The following SPIDR variants were observed in gnomAD, a reference collection of about 807,000 sequenced individuals.
The protein encoded by SPIDR is DNA repair-scaffolding protein.
A neutral mutation model predicts 104.6 loss-of-function variants in SPIDR; 93 were observed. The observed-to-expected ratio is 0.89, with a 90% CI of 0.75 to 1.06. The LOEUF (loss-of-function observed/expected upper bound fraction) is 1.06. Among genes scored for constraint, SPIDR ranks in the 50% least tolerant of loss-of-function variants. The pLI, the probability that SPIDR is intolerant of heterozygous loss-of-function variation, is 0.00. For missense variants in SPIDR, 1,154 were observed against 1,111.2 expected (o/e 1.04, Z -0.55); for synonymous variants, 431 against 416.9 (o/e 1.03, Z -0.41).
intron 7 of SPIDR, among the ~76,000 whole-genome samples, chr8:47,439,049 T>C (rs1190149686): frequency 8.5e-5 from 13 of 152,202 alleles, no homozygotes; most frequent in African/African-American, 3.1e-4. Context: ...TTGTTCTCAG[T>C]TTATGTATTT....
At chr8:47,433,578 C>T (rs547428790) in intron 7 of SPIDR, among the ~76,000 whole-genome samples, 4 of 152,248 alleles carry the variant, frequency 2.6e-5, no homozygotes, top group South Asian at 2.1e-4. Context: ...ATGCTGGGGC[C>T]GCCAGAATGA....
At position 47,566,131 on chromosome 8, in the gene SPIDR, C is replaced by T. The variant is rs534490618; in HGVS notation, c.1098-29680C>T. ...AAGCGATTCTCCTCCCTCAGCCTCCCAAGTAGCTGGGACTACAGGCATGAG... is the reference window on the plus strand; with the variant it reads ...AAGCGATTCTCCTCCCTCAGCCTCCTAAGTAGCTGGGACTACAGGCATGAG... On this transcript the variant is annotated intron_variant, in intron 8 of 19. Transcript: ENST00000297423. Among the ~76,000 whole-genome samples, 4 of 149,222 alleles carry T rather than the reference C, an allele frequency of 2.7e-5. No homozygotes were observed. The South Asian group carries it at 6.4e-4, about 24-fold the overall frequency.
chr8:47,469,602 A>T (rs1219574622), intron 8 of SPIDR, among the ~76,000 whole-genome samples: 3 of 152,180 alleles, frequency 2.0e-5, no homozygotes, highest in Non-Finnish European at 4.4e-5. Flanking sequence ...CTATTATCCT[A>T]AACAAACTAA....
chr8:47,608,017 G>A (rs2063172324), intron 10 of SPIDR, among the ~76,000 whole-genome samples: 1 of 152,010 alleles, frequency 6.6e-6, no homozygotes, highest in South Asian at 2.1e-4. Context: ...TGTGTTTATT[G>A]TAATTACAGA....
At chr8:47,693,348 T>C (rs2078929570) in intron 11 of SPIDR, among the ~76,000 whole-genome samples, 1 of 152,246 alleles carries the variant, frequency 6.6e-6, no homozygotes, top group African/African-American at 2.4e-5. Context: ...TAAAGAAATG[T>C]ATCAGAAGCC....
chr8:47,413,392 C>G (rs2063796725), intron 7 of SPIDR, among the ~76,000 whole-genome samples: 1 of 152,232 alleles, frequency 6.6e-6, no homozygotes, highest in Non-Finnish European at 1.5e-5. Flanking sequence ...GGGCCAAAGC[C>G]AGGCCTCCTG....
At chr8:47,550,609 C>A (rs978073126) in intron 8 of SPIDR, among the ~76,000 whole-genome samples, 1 of 152,116 alleles carries the variant, frequency 6.6e-6, no homozygotes, top group Admixed American at 6.5e-5. Context: ...GATTTTTGCA[C>A]ATTGATTTTG....
At chr8:47,513,233 A>G (rs927306844) in intron 8 of SPIDR, among the ~76,000 whole-genome samples, 4 of 152,264 alleles carry the variant, frequency 2.6e-5, no homozygotes, top group East Asian at 1.9e-4. Flanking sequence ...TGCTCAAACC[A>G]GATATTCAAA....
In SPIDR at chr8:47,639,564, A is replaced by AAGT. The variant is rs532640722; in HGVS notation, c.1545-34237_1545-34236insAGT. The stretch of plus-strand genomic sequence containing the variant: ...TTACCCTATAACTTCACTTCCACGT[A>AAGT]TCAAATATTAGATGTGGAATCTTCA... On this transcript the variant is annotated intron_variant, in intron 10 of 19. Transcript: ENST00000297423. Among the ~76,000 whole-genome samples the AAGT allele has an allele frequency of 3.0e-3, 452 of 152,300 alleles. 3 individuals carry two copies. Among genetic ancestry groups the AAGT allele is most frequent in the African/African-American group, 0.011 (442 of 41,566 alleles).
chr8:47,349,075 C>G (rs575864184), intron 5 of SPIDR, among the ~76,000 whole-genome samples: 5 of 152,208 alleles, frequency 3.3e-5, no homozygotes, highest in Non-Finnish European at 7.3e-5. Flanking sequence ...GGTTTCTCCC[C>G]AACTTTGTGG....
chr8:47,573,871 G>A (rs2058789058), intron 8 of SPIDR, among the ~76,000 whole-genome samples: 1 of 152,208 alleles, frequency 6.6e-6, no homozygotes, highest in Admixed American at 6.5e-5. Flanking sequence ...GTGACATTCT[G>A]AGGTTTTTGC....
At chr8:47,371,950 A>G (rs1160547139) in intron 5 of SPIDR, among the ~76,000 whole-genome samples, 1 of 152,164 alleles carries the variant, frequency 6.6e-6, no homozygotes, top group Admixed American at 6.5e-5. Context: ...ATGGTGGACT[A>G]TTCAAGTGTT....
At chr8:47,314,926 A>G (rs1469993315) in intron 5 of SPIDR, among the ~76,000 whole-genome samples, 1 of 152,210 alleles carries the variant, frequency 6.6e-6, no homozygotes, top group Non-Finnish European at 1.5e-5. Flanking sequence ...ACACAGATAG[A>G]TTGAAAGTAA....
intron 8 of SPIDR, among the ~76,000 whole-genome samples, chr8:47,559,586 C>T (rs958904625): frequency 1.3e-5 from 2 of 152,110 alleles, no homozygotes; most frequent in African/African-American, 4.8e-5. Flanking sequence ...CCTGATAATT[C>T]GTGGGGCCTT....
intron 5 of SPIDR, among the ~76,000 whole-genome samples, chr8:47,374,279 TGGGA>T (rs2058396134): frequency 6.6e-6 from 1 of 152,156 alleles, no homozygotes; most frequent in Non-Finnish European, 1.5e-5. Flanking sequence ...CCTAACACTT[TGGGA>T]GGCTGAGATA....
intron 7 of SPIDR, among the ~76,000 whole-genome samples, chr8:47,414,232 A>G: frequency 6.6e-6 from 1 of 152,158 alleles, no homozygotes; most frequent in East Asian, 1.9e-4. Flanking sequence ...CATCCCGGTT[A>G]CTCACTATAG....
intron 10 of SPIDR, among the ~76,000 whole-genome samples, chr8:47,656,126 A>G (rs2072757100): frequency 6.6e-6 from 1 of 152,336 alleles, no homozygotes; most frequent in East Asian, 1.9e-4. Context: ...GTAGGACTGT[A>G]TCTTCCTAAC....
chr8:47,523,394 A>T (rs762456447), intron 8 of SPIDR, among the ~76,000 whole-genome samples: 1 of 152,170 alleles, frequency 6.6e-6, no homozygotes, highest in African/African-American at 2.4e-5. Flanking sequence ...GTGGACTGAG[A>T]ACTTGGCTTA....
intron 10 of SPIDR, among the ~76,000 whole-genome samples, chr8:47,642,415 CAAAAAAA>C (rs56227753): frequency 8.6e-5 from 5 of 57,980 alleles, no homozygotes; most frequent in South Asian, 5.4e-4. Flanking sequence ...GACTCCGTCT[CAAAAAAA>C]AAAAAAAAAA....
Sources: gnomAD v4.1 joint callset for allele counts (sites outside exome capture counted in the v4.1 genomes callset) on GRCh38, gnomAD v4.1.1 for gene constraint, MANE v1.5 for transcripts, NCBI Gene and HGNC (gene_info 2026-07-23, HGNC 2026-07-21) for gene names.